Variants in CNTN4 observed in about 807,000 individuals in gnomAD.
CNTN4 encodes contactin 4.
CNTN4 carries 77 observed loss-of-function variants against 122.5 expected under a neutral mutation model. The observed-to-expected ratio is 0.63, with a 90% CI of 0.52 to 0.76. CNTN4 has a LOEUF of 0.76. Ranked by LOEUF, CNTN4 falls within the 30% of genes least tolerant of loss-of-function variation. The pLI is 0.00. For synonymous variants in CNTN4, 512 were observed against 447.0 expected, an observed-to-expected ratio of 1.15 and a Z score of -1.83; for missense variants, 1,256 against 1,259.1, an observed-to-expected ratio of 1.00 and a Z score of 0.04.
chr3:2,232,843 G>A (rs2039541684), intron 2 of CNTN4, among the ~76,000 whole-genome samples: 2 of 152,070 alleles, frequency 1.3e-5, no homozygotes, highest in Non-Finnish European at 2.9e-5. Flanking sequence ...GCTTGATCAA[G>A]GGATTAACAA....
At chr3:2,389,797 T>C (rs2046379179) in intron 3 of CNTN4, among the ~76,000 whole-genome samples, 1 of 152,236 alleles carries the variant, frequency 6.6e-6, no homozygotes, top group South Asian at 2.1e-4. Context: ...ATCATTATTA[T>C]GAGCTTGTTG....
intron 13 of CNTN4, among the ~76,000 whole-genome samples, chr3:2,954,388 T>A (rs186704851): frequency 1.3e-4 from 20 of 152,344 alleles, no homozygotes; most frequent in Admixed American, 8.5e-4. Flanking sequence ...GGACAGTATG[T>A]CTGGTCTTTC....
intron 2 of CNTN4, among the ~76,000 whole-genome samples, chr3:2,317,485 A>G (rs2043143914): frequency 6.6e-6 from 1 of 152,158 alleles, no homozygotes; most frequent in South Asian, 2.1e-4. Context: ...GCAGGTTATC[A>G]TTCCTGGATT....
At chr3:2,291,890 T>A (rs1180277575) in intron 2 of CNTN4, among the ~76,000 whole-genome samples, 18 of 152,024 alleles carry the variant, frequency 1.2e-4, no homozygotes, top group Admixed American at 1.1e-3. Context: ...TTCGCTACCA[T>A]GCATGACTAA....
intron 2 of CNTN4, among the ~76,000 whole-genome samples, chr3:2,134,819 A>G (rs1045290190): frequency 6.6e-6 from 1 of 152,124 alleles, no homozygotes; most frequent in African/African-American, 2.4e-5. Context: ...TCTCTTACTC[A>G]GCTTTTTGTC....
At chr3:2,228,790 A>G (rs62247013) in intron 2 of CNTN4, among the ~76,000 whole-genome samples, 30,033 of 151,962 alleles carry the variant, frequency 0.2, 3,496 homozygotes, top group South Asian at 0.38. Context: ...GTATTTTGAG[A>G]GTGAGATTTT....
In CNTN4 at chr3:2,797,206, G is replaced by A. The variant is rs372101344; in HGVS notation, c.359-22280G>A. On this transcript the variant is annotated intron_variant, in intron 6 of 24. Coordinates refer to ENST00000418658, the MANE Select transcript of CNTN4 (RefSeq NM_175607.3). ...TGTCAAGCTGGGGTCTCACTATGTTGTCCAGGCTGGTCTTGAATTCCAAGC... is the reference window on the plus strand; with the variant it reads ...TGTCAAGCTGGGGTCTCACTATGTTATCCAGGCTGGTCTTGAATTCCAAGC... 1.4e-3 allele frequency among the ~76,000 whole-genome samples: 214 copies of A among 152,230 alleles called. 2 individuals carry two copies. The highest frequency in any genetic ancestry group is 5.1e-3 in the African/African-American group (210 of 41,546).
rs1262447573 is a variant in CNTN4, at chr3:2,361,161, C to G, written c.-89+21928C>G. Among the ~76,000 whole-genome samples, 3 of 152,158 alleles carry G rather than the reference C, an allele frequency of 2.0e-5. No individual in the cohort carries two copies. In the East Asian group the frequency reaches 5.8e-4, roughly 29 times the overall value. On this transcript the variant is annotated intron_variant, in intron 3 of 24. Transcript: ENST00000418658. ...AAAGGAGGAGAGATTCTTCTTTAAT[C>G]TTAATAGCATTTTCTCTGTATCTCC...
intron 2 of CNTN4, among the ~76,000 whole-genome samples, chr3:2,226,468 G>A (rs989969842): frequency 2.6e-5 from 4 of 152,076 alleles, no homozygotes; most frequent in African/African-American, 9.7e-5. Flanking sequence ...AGATTTTCAG[G>A]GTTACTATGG....
intron 2 of CNTN4, among the ~76,000 whole-genome samples, chr3:2,186,801 A>G (rs1413212185): frequency 3.3e-5 from 5 of 151,956 alleles, no homozygotes; most frequent in Non-Finnish European, 1.5e-5. Flanking sequence ...AAGTTTGTTT[A>G]AGTTCTTTGT....
intron 13 of CNTN4, among the ~76,000 whole-genome samples, chr3:2,954,439 C>A (rs1180281219): frequency 1.3e-5 from 2 of 151,996 alleles, no homozygotes; most frequent in Non-Finnish European, 2.9e-5. Flanking sequence ...TGTCAAATGT[C>A]TTGCCATCAA....
chr3:2,490,604 A>G, intron 3 of CNTN4, among the ~76,000 whole-genome samples: 1 of 152,180 alleles, frequency 6.6e-6, no homozygotes, highest in East Asian at 1.9e-4. Context: ...TTACAGTTTT[A>G]TATTTGTGCA....
intron 4 of CNTN4, among the ~76,000 whole-genome samples, chr3:2,631,542 C>A (rs764763721): frequency 2.9e-4 from 44 of 152,150 alleles, no homozygotes; most frequent in Admixed American, 9.2e-4. Context: ...CCATCTGGTT[C>A]TATACCGGTT....
intron 13 of CNTN4, among the ~76,000 whole-genome samples, chr3:2,928,118 TTGTTCTTC>T (rs1384096711): frequency 6.6e-6 from 1 of 152,248 alleles, no homozygotes; most frequent in African/African-American, 2.4e-5. Context: ...GCTCATCTTC[TTGTTCTTC>T]AAGAGAAACT....
chr3:2,917,184 G>A (rs1019626828), intron 12 of CNTN4, among the ~76,000 whole-genome samples: 18 of 150,126 alleles, frequency 1.2e-4, no homozygotes, highest in East Asian at 2.0e-4. Context: ...GCCTGCAATC[G>A]CAGGCAGTCG....
intron 3 of CNTN4, among the ~76,000 whole-genome samples, chr3:2,343,893 G>A (rs573546237): frequency 4.8e-4 from 73 of 152,280 alleles, no homozygotes; most frequent in African/African-American, 1.7e-3. Context: ...ATCTGTGTGT[G>A]GTGACAGCCT....
chr3:2,123,232 A>C (rs941038345), intron 2 of CNTN4, among the ~76,000 whole-genome samples: 1 of 152,194 alleles, frequency 6.6e-6, no homozygotes, highest in African/African-American at 2.4e-5. Flanking sequence ...GGGAATAACT[A>C]TCCTCACTTT....
rs78389240 is a variant in CNTN4 at position 2,950,436 on chromosome 3, T to C, written c.1358+24657T>C. On this transcript the variant is annotated intron_variant, in intron 13 of 24. Transcript: ENST00000418658. ...CCCCAAACACATCGGTAGCTTGTTATATAAGCATCTTGTGCTCAGCAGTTA... is the reference window on the plus strand; with the variant it reads ...CCCCAAACACATCGGTAGCTTGTTACATAAGCATCTTGTGCTCAGCAGTTA... Among the ~76,000 whole-genome samples the C allele has an allele frequency of 9.7e-3, 1,483 of 152,330 alleles. 7 individuals carry two copies. The highest frequency in any genetic ancestry group is 0.016 in the Non-Finnish European group (1,102 of 68,032).
intron 2 of CNTN4, among the ~76,000 whole-genome samples, chr3:2,174,507 A>G (rs1245255774): frequency 6.6e-6 from 1 of 152,086 alleles, no homozygotes; most frequent in African/African-American, 2.4e-5. Flanking sequence ...CAGGGTGTAA[A>G]GGACCAAGGA....
Sources: allele counts gnomAD v4.1 joint callset (sites outside exome capture counted in the v4.1 genomes callset), GRCh38; gene constraint gnomAD v4.1.1; transcripts MANE v1.5; gene names NCBI Gene and HGNC (gene_info 2026-07-23, HGNC 2026-07-21).